The following EPHA6 variants were observed in gnomAD, a reference collection of about 807,000 sequenced individuals.
The protein encoded by EPHA6 is ephrin type-A receptor 6.
EPHA6 carries 50 observed loss-of-function variants against 112.0 expected under a neutral mutation model. The ratio of observed to expected loss-of-function variants is 0.45; its 90% CI spans 0.36 to 0.56. The LOEUF (loss-of-function observed/expected upper bound fraction) is 0.56. EPHA6 is among the 20% of genes least tolerant of loss of function. The pLI, the probability that EPHA6 is intolerant of heterozygous loss-of-function variation, is 0.00. For missense variants in EPHA6, 1,280 were observed against 1,417.4 expected (o/e 0.90, Z 1.56); for synonymous variants, 529 against 490.7 (o/e 1.08, Z -1.03).
chr3:97,579,939 G>C (rs1050978706), intron 11 of EPHA6, among the ~76,000 whole-genome samples: 2 of 152,034 alleles, frequency 1.3e-5, no homozygotes, highest in Non-Finnish European at 2.9e-5. Flanking sequence ...TATTTAAATA[G>C]CAGTAAAATT....
chr3:97,154,063 G>A (rs1349313504), intron 3 of EPHA6, among the ~76,000 whole-genome samples: 1 of 149,508 alleles, frequency 6.7e-6, no homozygotes, highest in Non-Finnish European at 1.5e-5. Flanking sequence ...TACTCAGGAG[G>A]CTGAGGCAGG....
chr3:96,897,888 G>A (rs895842001), intron 2 of EPHA6, among the ~76,000 whole-genome samples: 4 of 152,158 alleles, frequency 2.6e-5, no homozygotes, highest in African/African-American at 4.8e-5. Flanking sequence ...ATTATGGAAA[G>A]TATAATATAA....
chr3:96,820,608 A>G (rs1427000662), intron 1 of EPHA6, among the ~76,000 whole-genome samples: 1 of 152,138 alleles, frequency 6.6e-6, no homozygotes, highest in Non-Finnish European at 1.5e-5. Flanking sequence ...GGGATAAGGA[A>G]GATGGAGTAG....
intron 3 of EPHA6, among the ~76,000 whole-genome samples, chr3:97,050,311 C>T (rs1176955492): frequency 1.3e-5 from 2 of 152,078 alleles, no homozygotes; most frequent in Admixed American, 6.6e-5. Context: ...GAAGATTTCA[C>T]GAAAGAGGTA....
intron 6 of EPHA6, chr3:97,439,456 A>G (rs572722101): frequency 5.8e-6 from 1 of 173,800 alleles, no homozygotes; most frequent in Non-Finnish European, 1.1e-5. Flanking sequence ...ACCACCAAGG[A>G]ACTTCTTAAC....
rs534416699 is a variant in EPHA6 at position 97,583,729 on chromosome 3, T to C, written c.2387-8883T>C. On this transcript the variant is annotated intron_variant, in intron 11 of 17. Transcript: ENST00000389672. ...CTTCTTCATAAGTTGATCAACAGAT[T>C]CAATGCAATGTCAATCAAAATCCCA... Among the ~76,000 whole-genome samples the C allele has an allele frequency of 5.9e-5, 9 of 152,252 alleles. No individual in the cohort carries two copies. The South Asian group carries it at 8.3e-4, about 14-fold the overall frequency.
Position 97,133,000 on chromosome 3 carries a change from C to T in EPHA6, c.1115-93264C>T, listed in dbSNP as rs1056183447. The stretch of plus-strand genomic sequence containing the variant: ...ACAGCATAACAGTGCTAAAAAATGT[C>T]GTATGCATATATACAATTTTAAAAA... On this transcript the variant is annotated intron_variant, in intron 3 of 17. Transcript: ENST00000389672. 7.2e-5 allele frequency among the ~76,000 whole-genome samples: 11 copies of T among 151,990 alleles called. No individual in the cohort carries two copies. The East Asian group carries it at 1.5e-3, about 21-fold the overall frequency.
chr3:97,699,470 G>A (rs537882584), intron 14 of EPHA6, among the ~76,000 whole-genome samples: 33 of 152,266 alleles, frequency 2.2e-4, no homozygotes, highest in Non-Finnish European at 3.8e-4. Flanking sequence ...TCATAGATGA[G>A]AAAATTGAAG....
intron 10 of EPHA6, among the ~76,000 whole-genome samples, chr3:97,512,588 A>G (rs181004317): frequency 6.6e-6 from 1 of 152,214 alleles, no homozygotes; most frequent in East Asian, 1.9e-4. Flanking sequence ...GTTTTGAGGC[A>G]GAGTCTCATT....
intron 3 of EPHA6, among the ~76,000 whole-genome samples, chr3:97,170,489 CA>C (rs1454085939): frequency 1.3e-5 from 2 of 152,098 alleles, no homozygotes; most frequent in African/African-American, 2.4e-5. Context: ...GTAATCCCAG[CA>C]CTTTGGGAGG....
intron 2 of EPHA6, among the ~76,000 whole-genome samples, chr3:96,885,160 A>G (rs749272165): frequency 2.6e-5 from 4 of 152,168 alleles, no homozygotes; most frequent in Non-Finnish European, 5.9e-5. Flanking sequence ...ATGTATGTTC[A>G]TCAAGGATAT....
intron 3 of EPHA6, among the ~76,000 whole-genome samples, chr3:97,107,770 A>T (rs925903749): frequency 1.3e-5 from 2 of 152,152 alleles, no homozygotes; most frequent in African/African-American, 4.8e-5. Flanking sequence ...TAGAGAATAA[A>T]TATAGCATAT....
At chr3:97,695,315 A>G (rs1417957046) in intron 14 of EPHA6, among the ~76,000 whole-genome samples, 1 of 152,224 alleles carries the variant, frequency 6.6e-6, no homozygotes, top group Non-Finnish European at 1.5e-5. Context: ...AAAACAAGTT[A>G]AAGAAAGATG....
chr3:97,223,030 G>A (rs1188055359), intron 3 of EPHA6, among the ~76,000 whole-genome samples: 1 of 152,194 alleles, frequency 6.6e-6, no homozygotes, highest in Admixed American at 6.5e-5. Flanking sequence ...GAGATACAGT[G>A]AATAGACTTT....
At chr3:96,847,050 G>A (rs2035113198) in intron 1 of EPHA6, among the ~76,000 whole-genome samples, 1 of 151,950 alleles carries the variant, frequency 6.6e-6, no homozygotes, top group African/African-American at 2.4e-5. Flanking sequence ...CCCAGCCTTG[G>A]CGCCTGTCCA....
intron 5 of EPHA6, among the ~76,000 whole-genome samples, chr3:97,345,081 GA>G (rs1553752393): frequency 1.6e-4 from 23 of 144,328 alleles, no homozygotes; most frequent in Admixed American, 2.1e-4. Flanking sequence ...CAAATGAGGG[GA>G]AAAAAAAAAG....
intron 2 of EPHA6, among the ~76,000 whole-genome samples, chr3:96,924,916 T>A (rs932337207): frequency 1.3e-5 from 2 of 152,162 alleles, no homozygotes; most frequent in African/African-American, 4.8e-5. Context: ...TTTAGTTATG[T>A]TTATGTAACT....
intron 5 of EPHA6, among the ~76,000 whole-genome samples, chr3:97,263,944 ATATAAG>A (rs1290807402): frequency 6.6e-6 from 1 of 152,290 alleles, no homozygotes; most frequent in East Asian, 1.9e-4. Context: ...TATTAATTTC[ATATAAG>A]TATAATGAAG....
chr3:97,153,202 T>C (rs961239215), intron 3 of EPHA6, among the ~76,000 whole-genome samples: 5 of 152,136 alleles, frequency 3.3e-5, no homozygotes, highest in African/African-American at 1.2e-4. Flanking sequence ...GGAAAGTCAA[T>C]GCTTATAACT....
Sources: allele counts gnomAD v4.1 joint callset (sites outside exome capture counted in the v4.1 genomes callset), GRCh38; gene constraint gnomAD v4.1.1; transcripts MANE v1.5; gene names NCBI Gene and HGNC (gene_info 2026-07-23, HGNC 2026-07-21).